TTC8: variants seen among roughly 807,000 people sequenced by gnomAD.
The protein encoded by TTC8 is tetratricopeptide repeat protein 8.
Under a neutral mutation model 72.5 loss-of-function variants are expected in TTC8, and 47 were observed. That is an observed-to-expected ratio of 0.65 (90% confidence interval 0.51 to 0.83). The LOEUF (loss-of-function observed/expected upper bound fraction) is 0.83, where lower values mean the gene tolerates loss of function less well. TTC8 is among the 40% of genes least tolerant of loss of function. The probability of loss-of-function intolerance (pLI) is 0.00; values close to 1 mark genes in which losing one functional copy is unlikely to be tolerated. For synonymous variants in TTC8, 199 were observed against 221.4 expected, an observed-to-expected ratio of 0.90 and a Z score of 0.90; for missense variants, 611 against 623.2, an observed-to-expected ratio of 0.98 and a Z score of 0.21.
chr14:88,836,579 T>C (rs80075698), intron 2 of TTC8, among the ~76,000 whole-genome samples: 3,536 of 152,244 alleles, frequency 0.023, 120 homozygotes, highest in East Asian at 0.16. Context: ...TTTTCTTTTC[T>C]ATATTTTGCT....
intron 2 of TTC8, among the ~76,000 whole-genome samples, chr14:88,835,485 T>A (rs1289602112): frequency 6.6e-6 from 1 of 152,176 alleles, no homozygotes; most frequent in Non-Finnish European, 1.5e-5. Context: ...ATTGATATGA[T>A]TATTCATTTG....
chr14:88,835,968 T>A (rs192647974), intron 2 of TTC8, among the ~76,000 whole-genome samples: 1 of 152,132 alleles, frequency 6.6e-6, no homozygotes, highest in East Asian at 1.9e-4. Context: ...AGCAGTGATA[T>A]GTGATTTTCA....
intron 10 of TTC8, among the ~76,000 whole-genome samples, chr14:88,863,738 G>A (rs997405210): frequency 6.6e-6 from 1 of 152,162 alleles, no homozygotes; most frequent in Non-Finnish European, 1.5e-5. Flanking sequence ...GTATTCCTAC[G>A]TATAAGTATG....
intron 9 of TTC8, among the ~76,000 whole-genome samples, chr14:88,860,533 A>G (rs1351946917): frequency 3.3e-5 from 5 of 152,252 alleles, no homozygotes; most frequent in Non-Finnish European, 7.4e-5. Context: ...TCCATGGGTC[A>G]TCTCCTCTTT....
intron 9 of TTC8, among the ~76,000 whole-genome samples, chr14:88,859,824 T>C (rs2141012508): frequency 8.9e-6 from 1 of 112,036 alleles, no homozygotes; most frequent in South Asian, 2.9e-4. Context: ...ATTATATAAT[T>C]ATAAACATAT....
At chr14:88,834,393 G>T (rs187272914) in intron 2 of TTC8, among the ~76,000 whole-genome samples, 60 of 152,322 alleles carry the variant, frequency 3.9e-4, no homozygotes, top group Admixed American at 3.9e-3. Context: ...GAGAGAAGTT[G>T]TGCAGAGTTA....
At chr14:88,859,942 A>G (rs995391624) in intron 9 of TTC8, among the ~76,000 whole-genome samples, 1 of 145,382 alleles carries the variant, frequency 6.9e-6, no homozygotes, top group Non-Finnish European at 1.5e-5. Context: ...ATTATAATGT[A>G]TACTATATAT....
downstream of TTC8, chr14:88,878,629 G>A (rs1329182469): frequency 6.6e-6 from 1 of 152,176 alleles, no homozygotes; most frequent in African/African-American, 2.4e-5. Context: ...TTGGTTCTCT[G>A]TGATGTGTTA....
Position 88,861,086 on chromosome 14 carries a change from G to T in TTC8, c.799-136G>T, listed in dbSNP as rs963832470. ...CCCAAAATGCTGGGAATACAGGTGT[G>T]AGCCACCACACCCGGCTAAAAATTC... On this transcript the variant is annotated intron_variant, in intron 9 of 14. Coordinates refer to ENST00000380656, the MANE Select transcript of TTC8 (RefSeq NM_144596.4). 12 of 678,292 alleles carry T rather than the reference G, an allele frequency of 1.8e-5. 1 individual carries two copies. The South Asian group carries it at 1.9e-4, about 11-fold the overall frequency. 42.0% of individuals were successfully genotyped at this position (678,292 alleles called of 1,614,324 possible). A position where few individuals can be genotyped will look rare whatever the true frequency, so the allele number is the denominator to read the frequency against.
rs2094942560 is a variant in TTC8, at chr14:88,873,173, C to T, written c.1347+721C>T. On this transcript the variant is annotated intron_variant, in intron 13 of 14. Coordinates refer to ENST00000380656, the MANE Select transcript of TTC8 (RefSeq NM_144596.4). ...CACGTGACCTGCCCTCTGGCTCCTG[C>T]TCAGACCACATCTTTTGCCACTCCT... is the stretch of plus-strand genomic sequence containing the variant. 3.3e-5 allele frequency among the ~76,000 whole-genome samples: 5 copies of T among 152,340 alleles called. No individual in the cohort carries two copies. The South Asian group carries it at 8.3e-4, about 25-fold the overall frequency.
At chr14:88,836,508 A>G (rs925004603) in intron 2 of TTC8, among the ~76,000 whole-genome samples, 15 of 149,744 alleles carry the variant, frequency 1.0e-4, no homozygotes, top group African/African-American at 3.4e-4. Context: ...AAAAAAAAAA[A>G]GTTCCTATTT....
At chr14:88,873,250 A>G (rs916149344) in intron 13 of TTC8, among the ~76,000 whole-genome samples, 2 of 152,154 alleles carry the variant, frequency 1.3e-5, no homozygotes, top group Non-Finnish European at 2.9e-5. Flanking sequence ...CTGCAGACAG[A>G]CAGTGCTCTG....
At chr14:88,844,711 ATT>A (rs397852319) in intron 7 of TTC8, among the ~76,000 whole-genome samples, 1 of 144,104 alleles carries the variant, frequency 6.9e-6, no homozygotes, top group African/African-American at 2.5e-5. Context: ...TGCCCAGCTG[ATT>A]TTTTTTTTTT....
In TTC8 at chr14:88,826,683, A is replaced by G. The variant is rs139681288; in HGVS notation, c.114+1862A>G. On this transcript the variant is annotated intron_variant, in intron 1 of 14. Coordinates refer to ENST00000380656, the MANE Select transcript of TTC8 (RefSeq NM_144596.4). ...CGCACCACTGCACTCCACACTCCAC[A>G]GCCTGGGCGACAGAGAGACTCTGTC... Among the ~76,000 whole-genome samples, 1,232 of 152,250 alleles carry G rather than the reference A, an allele frequency of 8.1e-3. 25 individuals carry two copies. Among genetic ancestry groups the G allele is most frequent in the African/African-American group, 0.027 (1,139 of 41,544 alleles).
chr14:88,879,336 A>G (rs1365820901), downstream of TTC8: 2 of 152,172 alleles, frequency 1.3e-5, no homozygotes, highest in Admixed American at 6.6e-5. Context: ...AAAAATACTA[A>G]TAATTGTTTT....
At chr14:88,875,752 G>T (rs1335346752) in intron 14 of TTC8, among the ~76,000 whole-genome samples, 2 of 152,098 alleles carry the variant, frequency 1.3e-5, no homozygotes, top group African/African-American at 4.8e-5. Context: ...TTATAAAGAT[G>T]TTATTCTTCA....
intron 7 of TTC8, among the ~76,000 whole-genome samples, chr14:88,847,702 C>T (rs903744662): frequency 6.6e-6 from 1 of 151,954 alleles, no homozygotes; most frequent in African/African-American, 2.4e-5. Flanking sequence ...AGGAAAAAGA[C>T]TTACTGATGC....
chr14:88,878,476 G>T (rs981305897), downstream of TTC8: 5 of 152,106 alleles, frequency 3.3e-5, no homozygotes, highest in Non-Finnish European at 5.9e-5. Context: ...TGTATACTCA[G>T]CTGAGAGAAC....
At chr14:88,825,296 G>T (rs974226485) in intron 1 of TTC8, among the ~76,000 whole-genome samples, 1 of 152,144 alleles carries the variant, frequency 6.6e-6, no homozygotes, top group Non-Finnish European at 1.5e-5. Flanking sequence ...TTAGACTGTT[G>T]TCCAAGAGTG....
Sources: allele counts gnomAD v4.1 joint callset (sites outside exome capture counted in the v4.1 genomes callset), GRCh38; gene constraint gnomAD v4.1.1; transcripts MANE v1.5; gene names NCBI Gene and HGNC (gene_info 2026-07-23, HGNC 2026-07-21).